Variants in RBFOX1 observed in about 807,000 individuals in gnomAD.
RBFOX1 encodes RNA binding protein fox-1 homolog 1.
A neutral mutation model predicts 57.7 loss-of-function variants in RBFOX1; 8 were observed. That is an observed-to-expected ratio of 0.14 (90% confidence interval 0.08 to 0.25). The LOEUF (loss-of-function observed/expected upper bound fraction) is 0.25, where lower values mean the gene tolerates loss of function less well. Ranked by LOEUF, RBFOX1 falls within the 10% of genes least tolerant of loss-of-function variation. RBFOX1 has a pLI of 1.00. For synonymous variants in RBFOX1, 326 were observed against 222.4 expected (o/e 1.47, Z -4.15); for missense variants, 611 against 548.5 (o/e 1.11, Z -1.14).
chr16:7,498,359 C>T (rs1217422146), intron 4 of RBFOX1, among the ~76,000 whole-genome samples: 1 of 152,058 alleles, frequency 6.6e-6, no homozygotes, highest in Non-Finnish European at 1.5e-5. Flanking sequence ...TCTCACTCAG[C>T]CTCTATGACA....
At chr16:5,581,505 A>C (rs1280271223) in intron 2 of RBFOX1, among the ~76,000 whole-genome samples, 3 of 152,238 alleles carry the variant, frequency 2.0e-5, no homozygotes, top group Non-Finnish European at 4.4e-5. Context: ...ATGTATACAC[A>C]AGTAACTAAT....
chr16:7,022,728 G>T (rs565471482), intron 3 of RBFOX1, among the ~76,000 whole-genome samples: 40 of 152,264 alleles, frequency 2.6e-4, no homozygotes, highest in African/African-American at 9.6e-4. Flanking sequence ...GAGGAAAAAC[G>T]AAGTCTTAGT....
intron 3 of RBFOX1, among the ~76,000 whole-genome samples, chr16:6,742,563 T>A (rs2154183943): frequency 6.6e-6 from 1 of 152,208 alleles, no homozygotes; most frequent in East Asian, 1.9e-4. Flanking sequence ...TATTTCTGAG[T>A]CAAAAACTGG....
At chr16:6,402,329 C>G (rs1567199002) in intron 2 of RBFOX1, among the ~76,000 whole-genome samples, 1 of 152,124 alleles carries the variant, frequency 6.6e-6, no homozygotes, top group Non-Finnish European at 1.5e-5. Context: ...AAATCTCACC[C>G]TTTGTTATAG....
intron 3 of RBFOX1, among the ~76,000 whole-genome samples, chr16:5,753,734 G>T (rs1012908116): frequency 6.6e-6 from 1 of 152,048 alleles, no homozygotes; most frequent in African/African-American, 2.4e-5. Flanking sequence ...GTTGTTAAGC[G>T]TTTACCAGCA....
At chr16:5,424,921 TTCTTTCTTTCTTTC>T (rs1299121399) in intron 1 of RBFOX1, among the ~76,000 whole-genome samples, 6 of 103,896 alleles carry the variant, frequency 5.8e-5, no homozygotes, top group East Asian at 2.6e-4. Context: ...CTTTCTTTCT[TTCTTTCTTTCTTTC>T]TCTCTCTTCT....
At chr16:6,976,898 T>C (rs955387889) in intron 3 of RBFOX1, among the ~76,000 whole-genome samples, 1 of 146,244 alleles carries the variant, frequency 6.8e-6, no homozygotes, top group African/African-American at 2.5e-5. Context: ...ATATATGGTG[T>C]ATATCATATA....
intron 4 of RBFOX1, among the ~76,000 whole-genome samples, chr16:7,480,344 T>TA (rs763222833): frequency 1.2e-4 from 18 of 152,226 alleles, no homozygotes; most frequent in Non-Finnish European, 1.8e-4. Flanking sequence ...CCTGAGCTGG[T>TA]AGCACTATCC....
At chr16:5,827,023 G>T (rs1025021398) in intron 3 of RBFOX1, among the ~76,000 whole-genome samples, 4 of 152,212 alleles carry the variant, frequency 2.6e-5, no homozygotes, top group South Asian at 2.1e-4. Flanking sequence ...CTATCTCTTC[G>T]TTGGAGCATC....
chr16:7,245,955 C>T (rs984125053), intron 4 of RBFOX1, among the ~76,000 whole-genome samples: 10 of 152,094 alleles, frequency 6.6e-5, no homozygotes, highest in Non-Finnish European at 2.9e-5. Flanking sequence ...ACAATTAGCC[C>T]ATCCCTGAAA....
intron 3 of RBFOX1, among the ~76,000 whole-genome samples, chr16:5,790,739 C>T (rs2054662867): frequency 1.3e-5 from 2 of 152,144 alleles, no homozygotes; most frequent in Non-Finnish European, 2.9e-5. Flanking sequence ...ATGCCTGGTG[C>T]TGGGTGCGTG....
intron 1 of RBFOX1, among the ~76,000 whole-genome samples, chr16:6,311,916 C>G (rs1055468281): frequency 3.9e-5 from 6 of 152,138 alleles, no homozygotes; most frequent in Admixed American, 2.0e-4. Flanking sequence ...ATCAAGCAAC[C>G]CTGGGCAGCT....
chr16:5,413,079 G>C (rs1460041715), intron 1 of RBFOX1, among the ~76,000 whole-genome samples: 3 of 152,184 alleles, frequency 2.0e-5, no homozygotes. Context: ...AAGAAAGGCT[G>C]CTGTATTGAT....
At chr16:5,649,003 G>A (rs1393934671) in intron 3 of RBFOX1, among the ~76,000 whole-genome samples, 1 of 151,896 alleles carries the variant, frequency 6.6e-6, no homozygotes, top group Admixed American at 6.6e-5. Context: ...GGTGGAGGTT[G>A]CAGTAAGTAG....
In RBFOX1 at chr16:6,895,629, C is replaced by T. The variant is rs2066703848; in HGVS notation, c.-15-156428C>T. On this transcript the variant is annotated intron_variant, in intron 3 of 15. Coordinates refer to ENST00000550418, the MANE Select transcript of RBFOX1 (RefSeq NM_018723.4). ...GGAGGAGAAGAAAAAAATGGAGAGT[C>T]ATAGATCCTTGACAATGCCAATGTT... is the stretch of plus-strand genomic sequence containing the variant. 3.3e-5 allele frequency among the ~76,000 whole-genome samples: 5 copies of T among 151,326 alleles called. 1 individual carries two copies. The South Asian group carries it at 1.0e-3, about 32-fold the overall frequency.
intron 3 of RBFOX1, among the ~76,000 whole-genome samples, chr16:6,777,541 C>G (rs572885261): frequency 1.3e-5 from 2 of 152,180 alleles, no homozygotes; most frequent in South Asian, 4.2e-4. Context: ...CCTGAGGGAA[C>G]TTTAGACCTT....
chr16:6,782,102 G>A (rs984034532), intron 3 of RBFOX1, among the ~76,000 whole-genome samples: 1 of 152,060 alleles, frequency 6.6e-6, no homozygotes, highest in South Asian at 2.1e-4. Flanking sequence ...CGCCTCCTGG[G>A]TTCACGTGAT....
At chr16:6,198,563 T>C (rs1389212605) in intron 1 of RBFOX1, among the ~76,000 whole-genome samples, 2 of 152,318 alleles carry the variant, frequency 1.3e-5, no homozygotes, top group Non-Finnish European at 2.9e-5. Context: ...ACTTAATTCA[T>C]CTTCTGAAAA....
chr16:6,537,600 C>G (rs890236563), intron 2 of RBFOX1, among the ~76,000 whole-genome samples: 2 of 152,198 alleles, frequency 1.3e-5, no homozygotes, highest in Non-Finnish European at 2.9e-5. Context: ...AGTATCTGTA[C>G]TGCTCATGGA....
Sources: allele counts gnomAD v4.1 joint callset (sites outside exome capture counted in the v4.1 genomes callset), GRCh38; gene constraint gnomAD v4.1.1; transcripts MANE v1.5; gene names NCBI Gene and HGNC (gene_info 2026-07-23, HGNC 2026-07-21).